The following PEPD variants were observed in gnomAD, a reference collection of about 807,000 sequenced individuals.
The protein encoded by PEPD is xaa-Pro dipeptidase.
A neutral mutation model predicts 60.7 loss-of-function variants in PEPD; 53 were observed. The ratio of observed to expected loss-of-function variants is 0.87; its 90% CI spans 0.70 to 1.10. The LOEUF (loss-of-function observed/expected upper bound fraction) is 1.10, where lower values mean the gene tolerates loss of function less well. PEPD is among the 50% of genes least tolerant of loss of function. PEPD has a pLI of 0.00. For missense variants in PEPD, 711 were observed against 711.9 expected (o/e 1.00, Z 0.01); for synonymous variants, 267 against 284.1 (o/e 0.94, Z 0.60).
chr19:33,472,165 A>G (rs1259291629), intron 7 of PEPD, among the ~76,000 whole-genome samples: 1 of 149,770 alleles, frequency 6.7e-6, no homozygotes, highest in East Asian at 1.9e-4. Context: ...CCATCTCAAA[A>G]AAAAAAAAAA....
chr19:33,393,636 C>T (rs1031951827), intron 12 of PEPD, among the ~76,000 whole-genome samples: 3 of 152,132 alleles, frequency 2.0e-5, no homozygotes, highest in Non-Finnish European at 4.4e-5. Context: ...AGGCAGCACC[C>T]CGGACAGTGG....
chr19:33,489,971 G>A, intron 6 of PEPD, 25 bp downstream of exon 6: 1 of 1,479,750 alleles, frequency 6.8e-7, no homozygotes, highest in Non-Finnish European at 9.4e-7. Flanking sequence ...GGTGGGGAAA[G>A]AGTCCCTGGG....
intron 2 of PEPD, among the ~76,000 whole-genome samples, chr19:33,512,255 A>T (rs1014568156): frequency 1.3e-5 from 2 of 152,196 alleles, no homozygotes; most frequent in Non-Finnish European, 2.9e-5. Context: ...CAAAATGGGT[A>T]TAATGCTAAG....
At chr19:33,499,174 A>G (rs963428956) in intron 4 of PEPD, among the ~76,000 whole-genome samples, 4 of 152,180 alleles carry the variant, frequency 2.6e-5, no homozygotes, top group Middle Eastern at 3.2e-3. Context: ...CGGGATCAAT[A>G]TGATAGGTCA....
intron 4 of PEPD, among the ~76,000 whole-genome samples, chr19:33,497,417 CG>C (rs919452812): frequency 2.4e-4 from 36 of 152,266 alleles, no homozygotes; most frequent in African/African-American, 8.7e-4. Flanking sequence ...GGCAGAGCCT[CG>C]GGGCCCCACT....
chr19:33,441,021 A>G (rs868188756), intron 9 of PEPD, among the ~76,000 whole-genome samples: 28 of 152,178 alleles, frequency 1.8e-4, no homozygotes, highest in African/African-American at 6.8e-4. Flanking sequence ...GGGAGACCCA[A>G]GCTGTACTCC....
intron 7 of PEPD, among the ~76,000 whole-genome samples, chr19:33,472,284 C>T (rs993162865): frequency 6.6e-6 from 1 of 151,872 alleles, no homozygotes; most frequent in African/African-American, 2.4e-5. Flanking sequence ...GCCATGATTA[C>T]AACACTGCAT....
chr19:33,476,673 A>T (rs1055937761), intron 7 of PEPD, among the ~76,000 whole-genome samples: 10 of 151,496 alleles, frequency 6.6e-5, no homozygotes, highest in Admixed American at 2.0e-4. Flanking sequence ...TTTTTATTTT[A>T]TTTTTTTTGA....
chr19:33,474,981 T>TAA (rs67443412), intron 7 of PEPD, among the ~76,000 whole-genome samples: 11 of 138,604 alleles, frequency 7.9e-5, no homozygotes, highest in African/African-American at 3.0e-4. Context: ...TCCTGTCTCT[T>TAA]AAAAAAAAAA....
chr19:33,496,068 T>A (rs1449639518), intron 4 of PEPD, among the ~76,000 whole-genome samples: 1 of 152,110 alleles, frequency 6.6e-6, no homozygotes, highest in African/African-American at 2.4e-5. Context: ...GGGAGACTTA[T>A]TAAAAGGAAC....
At chr19:33,465,504 G>A (rs1233606426) in intron 7 of PEPD, among the ~76,000 whole-genome samples, 5 of 151,984 alleles carry the variant, frequency 3.3e-5, no homozygotes, top group East Asian at 1.9e-4. Flanking sequence ...CAGCTCCCTC[G>A]CTTCAGCTGG....
chr19:33,408,358 G>T (rs1483645756), intron 11 of PEPD, among the ~76,000 whole-genome samples: 1 of 152,262 alleles, frequency 6.6e-6, no homozygotes, highest in African/African-American at 2.4e-5. Flanking sequence ...TGCTGCTCTT[G>T]CCCGAAGAGG....
At chr19:33,409,392 G>A (rs1968712639) in intron 11 of PEPD, among the ~76,000 whole-genome samples, 1 of 152,216 alleles carries the variant, frequency 6.6e-6, no homozygotes, top group Non-Finnish European at 1.5e-5. Context: ...TTCAGGGCTG[G>A]GCACCGTGGC....
At chr19:33,392,173 C>T (rs1968238414) in intron 12 of PEPD, among the ~76,000 whole-genome samples, 1 of 152,188 alleles carries the variant, frequency 6.6e-6, no homozygotes, top group Non-Finnish European at 1.5e-5. Context: ...CAACTCCCGG[C>T]TTCAAATCCA....
At position 33,387,328 on chromosome 19, in the gene PEPD, G is replaced by A. The variant is rs765349872; in HGVS notation, c.*16C>T. ...CAAGGCCAGGCCCCCAGGTGCGCTG[G>A]GATTTCTGGCTGGCTCTACTTGGGG... On this transcript the variant is annotated 3_prime_UTR_variant, in exon 15 of 15. Transcript: ENST00000244137. 3 of 1,613,556 alleles carry A rather than the reference G, an allele frequency of 1.9e-6. No homozygotes were observed. The highest frequency in any genetic ancestry group is 2.7e-5 in the African/African-American group (2 of 74,932).
At chr19:33,442,427 G>A (rs1017272597) in intron 9 of PEPD, among the ~76,000 whole-genome samples, 3 of 149,614 alleles carry the variant, frequency 2.0e-5, no homozygotes, top group Non-Finnish European at 4.4e-5. Flanking sequence ...AAGCCTGGGC[G>A]CGGTGGCTCA....
chr19:33,398,934 C>G (rs1968428363), intron 12 of PEPD, among the ~76,000 whole-genome samples: 2 of 152,224 alleles, frequency 1.3e-5, no homozygotes, highest in South Asian at 4.1e-4. Context: ...TGTCCTCACC[C>G]ACCCATCTGC....
At chr19:33,489,678 C>T (rs1359296733) in intron 6 of PEPD, among the ~76,000 whole-genome samples, 1 of 151,874 alleles carries the variant, frequency 6.6e-6, no homozygotes, top group Non-Finnish European at 1.5e-5. Flanking sequence ...GATGCACAGA[C>T]CACAGGGGCT....
chr19:33,473,713 G>C (rs557874035), intron 7 of PEPD, among the ~76,000 whole-genome samples: 89 of 152,232 alleles, frequency 5.8e-4, no homozygotes, highest in African/African-American at 2.1e-3. Flanking sequence ...CTGCAAAACA[G>C]TAAAGCAGAA....
Sources: allele counts gnomAD v4.1 joint callset (sites outside exome capture counted in the v4.1 genomes callset), GRCh38; gene constraint gnomAD v4.1.1; transcripts MANE v1.5; gene names NCBI Gene and HGNC (gene_info 2026-07-23, HGNC 2026-07-21).